Variants in NFATC2 observed in about 807,000 individuals in gnomAD.
NFATC2 encodes nuclear factor of activated T-cells, cytoplasmic 2.
NFATC2 carries 22 observed loss-of-function variants against 87.3 expected under a neutral mutation model. The observed-to-expected ratio is 0.25, with a 90% CI of 0.18 to 0.36. NFATC2 has a LOEUF of 0.36. Ranked by LOEUF, NFATC2 falls within the 10% of genes least tolerant of loss-of-function variation. The pLI is 1.00. For missense variants in NFATC2, 1,149 were observed against 1,259.1 expected (o/e 0.91, Z 1.32); for synonymous variants, 565 against 542.2 (o/e 1.04, Z -0.58).
chr20:51,433,223 A>T (rs1040145251), intron 8 of NFATC2, among the ~76,000 whole-genome samples: 3 of 152,164 alleles, frequency 2.0e-5, no homozygotes, highest in Non-Finnish European at 4.4e-5. Flanking sequence ...TCAGCTCCTC[A>T]AAGAGAGGAC....
At chr20:51,396,880 AG>A (rs1987232753) in intron 10 of NFATC2, among the ~76,000 whole-genome samples, 1 of 151,806 alleles carries the variant, frequency 6.6e-6, no homozygotes, top group African/African-American at 2.4e-5. Flanking sequence ...CCAAGAGGTA[AG>A]TTTCCTAAGC....
Position 51,419,658 on chromosome 20 carries a change from C to A in NFATC2, c.2722+12409G>T, listed in dbSNP as rs148545752. On this transcript the variant is annotated intron_variant, in intron 9 of 10. Coordinates refer to ENST00000371564, the MANE Select transcript of NFATC2 (RefSeq NM_012340.5). ...AGCAGCCTCTACATCCTAATCAATA[C>A]CCTCTAATAATCCTCCCAATAACCT... Among the ~76,000 whole-genome samples the A allele has an allele frequency of 3.1e-3, 477 of 152,280 alleles. 3 individuals carry two copies. The highest frequency in any genetic ancestry group is 0.01 in the African/African-American group (428 of 41,556).
intron 5 of NFATC2, among the ~76,000 whole-genome samples, chr20:51,457,993 C>T (rs959684535): frequency 6.6e-5 from 10 of 151,530 alleles, no homozygotes; most frequent in African/African-American, 2.4e-4. Context: ...TCAAGTGATC[C>T]TCCCACCTCA....
chr20:51,490,717 G>T (rs1030472435), intron 3 of NFATC2, among the ~76,000 whole-genome samples: 3 of 152,230 alleles, frequency 2.0e-5, no homozygotes, highest in African/African-American at 7.2e-5. Flanking sequence ...CTACTTGGGA[G>T]AGTGAGACAG....
chr20:51,519,465 A>T (rs2076406568), intron 2 of NFATC2, among the ~76,000 whole-genome samples: 1 of 151,804 alleles, frequency 6.6e-6, no homozygotes, highest in Non-Finnish European at 1.5e-5. Context: ...ATACAAAAAA[A>T]AAAAAAAAAT....
At chr20:51,544,964 G>C (rs2076877518), upstream of NFATC2, among the ~76,000 whole-genome samples, 1 of 152,200 alleles carries the variant, frequency 6.6e-6, no homozygotes, top group South Asian at 2.1e-4. Flanking sequence ...CTAACTATAA[G>C]CACTTCTGTG....
At chr20:51,445,251 C>T (rs575905727) in intron 6 of NFATC2, among the ~76,000 whole-genome samples, 62 of 152,298 alleles carry the variant, frequency 4.1e-4, no homozygotes, top group Middle Eastern at 3.4e-3. Context: ...CACCAGCCGC[C>T]CGGGCCTGCT....
intron 1 of NFATC2, among the ~76,000 whole-genome samples, chr20:51,550,584 T>C (rs1229746638): frequency 6.6e-6 from 1 of 151,742 alleles, no homozygotes; most frequent in Non-Finnish European, 1.5e-5. Context: ...AGAGCGAAAC[T>C]CCATCTCAAA....
intron 9 of NFATC2, among the ~76,000 whole-genome samples, chr20:51,406,023 G>A (rs1042061189): frequency 6.6e-6 from 1 of 152,136 alleles, no homozygotes; most frequent in African/African-American, 2.4e-5. Context: ...GTGATCCGCT[G>A]GCCTTGGCCT....
chr20:51,498,850 G>A (rs988506250), intron 3 of NFATC2, among the ~76,000 whole-genome samples: 1 of 152,210 alleles, frequency 6.6e-6, no homozygotes, highest in African/African-American at 2.4e-5. Flanking sequence ...ATTTTGGTAG[G>A]AGAATCAGGG....
In NFATC2 at chr20:51,468,123, C is replaced by T. The variant is rs566576984; in HGVS notation, c.1708+5857G>A. Among the ~76,000 whole-genome samples, 130 of 152,208 alleles carry T rather than the reference C, an allele frequency of 8.5e-4. 1 individual carries two copies. The highest frequency in any genetic ancestry group is 3.0e-3 in the African/African-American group (125 of 41,508). On this transcript the variant is annotated intron_variant, in intron 5 of 10. Coordinates refer to ENST00000371564, the MANE Select transcript of NFATC2 (RefSeq NM_012340.5). ...TCTAGAACAGGGAAGATTAATCAAC[C>T]GTGATAGAAATCAGAACAGCGCTGC... is the stretch of plus-strand genomic sequence containing the variant.
intron 3 of NFATC2, among the ~76,000 whole-genome samples, chr20:51,515,917 A>G (rs1188491084): frequency 3.3e-5 from 5 of 152,152 alleles, no homozygotes; most frequent in Non-Finnish European, 5.9e-5. Flanking sequence ...GATGCACACT[A>G]TAGATTAAGA....
chr20:51,397,725 A>G (rs1987393031), intron 10 of NFATC2, among the ~76,000 whole-genome samples: 1 of 152,128 alleles, frequency 6.6e-6, no homozygotes, highest in Admixed American at 6.5e-5. Flanking sequence ...ATAGGGAAGT[A>G]GGGGTTCATC....
intron 3 of NFATC2, among the ~76,000 whole-genome samples, chr20:51,506,549 G>A (rs111254810): frequency 1.5e-4 from 18 of 120,240 alleles, no homozygotes; most frequent in African/African-American, 4.1e-4. Context: ...TATTGTCAAC[G>A]GAGCTAGTGC....
Position 51,532,449 on chromosome 20 carries a change from T to C in NFATC2, c.131-8339A>G, listed in dbSNP as rs374099476. On this transcript the variant is annotated intron_variant, in intron 1 of 10. Coordinates refer to ENST00000371564, the MANE Select transcript of NFATC2 (RefSeq NM_012340.5). ...AGAAATCACTCTGGGGGCCTCATCATTTCACTCGGGAGGTGGGCTGCCCCT... is the reference window on the plus strand; with the variant it reads ...AGAAATCACTCTGGGGGCCTCATCACTTCACTCGGGAGGTGGGCTGCCCCT... 3.8e-4 allele frequency among the ~76,000 whole-genome samples: 58 copies of C among 152,276 alleles called. 1 individual carries two copies. The South Asian group carries it at 0.011, about 29-fold the overall frequency.
intron 9 of NFATC2, among the ~76,000 whole-genome samples, chr20:51,423,291 CAAAA>C (rs71192527): frequency 1.1e-4 from 7 of 62,856 alleles, no homozygotes; most frequent in African/African-American, 3.7e-4. Context: ...GACCCTCTCT[CAAAA>C]AAAAAAAAAA....
intron 9 of NFATC2, among the ~76,000 whole-genome samples, chr20:51,421,708 A>G (rs1354068126): frequency 6.6e-6 from 1 of 152,156 alleles, no homozygotes; most frequent in Admixed American, 6.5e-5. Flanking sequence ...AAAGTCAGAA[A>G]TCCCTATTTT....
chr20:51,503,156 G>A (rs572810530), intron 3 of NFATC2, among the ~76,000 whole-genome samples: 1 of 152,158 alleles, frequency 6.6e-6, no homozygotes, highest in Non-Finnish European at 1.5e-5. Context: ...AGGAAGACGA[G>A]GTGGCCACCT....
At chr20:51,514,938 C>T (rs1396016403) in intron 3 of NFATC2, among the ~76,000 whole-genome samples, 1 of 152,228 alleles carries the variant, frequency 6.6e-6, no homozygotes, top group African/African-American at 2.4e-5. Context: ...AATCAGAAGA[C>T]TGCGGTCCCC....
Sources: gnomAD v4.1 joint callset for allele counts (sites outside exome capture counted in the v4.1 genomes callset) on GRCh38, gnomAD v4.1.1 for gene constraint, MANE v1.5 for transcripts, NCBI Gene and HGNC (gene_info 2026-07-23, HGNC 2026-07-21) for gene names.